The following TP53BP1 variants were observed in gnomAD, a reference collection of about 807,000 sequenced individuals.
The protein encoded by TP53BP1 is tumor protein p53 binding protein 1, also known as TP53-binding protein 1.
Under a neutral mutation model 200.8 loss-of-function variants are expected in TP53BP1, and 61 were observed. The observed-to-expected ratio is 0.30, with a 90% CI of 0.25 to 0.38. The LOEUF (loss-of-function observed/expected upper bound fraction) is 0.38. Ranked by LOEUF, TP53BP1 falls within the 10% of genes least tolerant of loss-of-function variation. TP53BP1 has a pLI of 1.00. For missense variants in TP53BP1, 2,144 were observed against 2,371.9 expected (o/e 0.90, Z 2.00); for synonymous variants, 822 against 844.3 (o/e 0.97, Z 0.46).
In TP53BP1 at chr15:43,413,191, T is replaced by C; in HGVS notation, c.5233A>G (p.Thr1745Ala). Residue 1745 changes from threonine to alanine, a missense_variant, in exon 24 of 28, where the codon ACA becomes GCA. Around this residue, in one of 4 missense-constraint regions of TP53BP1, gnomAD observed 334 missense variants for 453.4 expected, o/e 0.74. Coordinates refer to ENST00000382044, the MANE Select transcript of TP53BP1 (RefSeq NM_001141980.3). ...CGGCTGGCCAACTTGTCACTGGTTG[T>C]GGCCATGGTAAGGAGAAATGCGTAG... ...LGYAFLLTMA[T>A]TSDKLASRSK... 1.2e-6 allele frequency: 2 copies of C among 1,614,192 alleles called. No homozygotes were observed. Among genetic ancestry groups the C allele is most frequent in the Non-Finnish European group, 1.7e-6 (2 of 1,180,030 alleles).
chr15:43,434,886 A>G (rs2045755359), intron 16 of TP53BP1, among the ~76,000 whole-genome samples: 1 of 151,976 alleles, frequency 6.6e-6, no homozygotes, highest in Non-Finnish European at 1.5e-5. Context: ...GAAGTGCCAT[A>G]CCTCTCTCCC....
chr15:43,493,076 G>C lies in TP53BP1; in HGVS notation c.-33C>G, dbSNP rs376110433. ...GGAGGTCCCTCGCGCTCGAGCTAGA[G>C]GTCTCTGCACGCTCCCCAAGTCCCT... On this transcript the variant is annotated 5_prime_UTR_variant, in exon 1 of 28. Transcript: ENST00000382044. 24 of 1,612,162 alleles carry C rather than the reference G, an allele frequency of 1.5e-5. No homozygotes were observed. The highest frequency in any genetic ancestry group is 4.0e-5 in the African/African-American group (3 of 74,808).
chr15:43,489,722 A>G (rs1180169905), intron 4 of TP53BP1, among the ~76,000 whole-genome samples: 1 of 152,228 alleles, frequency 6.6e-6, no homozygotes. Flanking sequence ...AAATTTCCCC[A>G]TTCTAAAATT....
intron 18 of TP53BP1, among the ~76,000 whole-genome samples, chr15:43,422,530 T>C (rs1043639382): frequency 6.6e-6 from 1 of 152,312 alleles, no homozygotes; most frequent in Middle Eastern, 3.4e-3. Context: ...AGTAAATTCT[T>C]ATCTGAGAGA....
At chr15:43,417,977 C>T (rs1347085777) in intron 21 of TP53BP1, among the ~76,000 whole-genome samples, 2 of 151,528 alleles carry the variant, frequency 1.3e-5, no homozygotes, top group Non-Finnish European at 2.9e-5. Context: ...GTCAGGAATT[C>T]AAGACCAGCC....
intron 2 of TP53BP1, 83 bp from the exon 3 acceptor site, chr15:43,492,178 A>G (rs960579135): frequency 1.3e-6 from 2 of 1,508,014 alleles, no homozygotes; most frequent in Non-Finnish European, 1.8e-6. Context: ...AATTTTTCCA[A>G]TCAACTTTAT....
chr15:43,476,422 G>A (rs887211801), intron 8 of TP53BP1, among the ~76,000 whole-genome samples: 8 of 152,134 alleles, frequency 5.3e-5, no homozygotes, highest in African/African-American at 1.9e-4. Context: ...GATACAGATG[G>A]GAGAAGTCAA....
At position 43,492,351 on chromosome 15, in the gene TP53BP1, C is replaced by G; in HGVS notation, c.125G>C (p.Gly42Ala). Reference protein sequence around the residue: ...PESQVLEDDSGSHFSMLSRHL... With the variant: ...PESQVLEDDSASHFSMLSRHL... ...TCGAGATAGCATACTGAAGTGAGAA[C>G]CAGAATCATCCTCTAGAACCTGGCT... The change falls in exon 2 of 28, where the codon GGT (glycine) becomes GCT (alanine). Residue 42 changes from glycine (G) to alanine (A), a missense_variant. This residue lies in a region of TP53BP1 where 1,700 missense variants were observed against 1,710.3 expected (regional missense o/e 0.99). Transcript: ENST00000382044. 6.2e-7 allele frequency: 1 copy of G among 1,614,148 alleles called. No individual in the cohort carries two copies. Among genetic ancestry groups the G allele is most frequent in the Non-Finnish European group, 8.5e-7 (1 of 1,180,012 alleles).
chr15:43,499,508 A>C (rs548704), intron 1 of TP53BP1, among the ~76,000 whole-genome samples: 70,480 of 152,128 alleles, frequency 0.46, 21,362 homozygotes, highest in African/African-American at 0.87. Flanking sequence ...TCATTATTAC[A>C]CTTTCCCATT....
At chr15:43,437,181 A>G (rs576678756) in intron 16 of TP53BP1, among the ~76,000 whole-genome samples, 103 of 151,012 alleles carry the variant, frequency 6.8e-4, no homozygotes, top group Non-Finnish European at 1.0e-3. Context: ...GAAATTATGG[A>G]AAAATTAATT....
intron 11 of TP53BP1, among the ~76,000 whole-genome samples, chr15:43,458,365 G>C (rs570679333): frequency 2.6e-5 from 4 of 152,064 alleles, no homozygotes; most frequent in Admixed American, 2.6e-4. Flanking sequence ...CCAGGAGGCA[G>C]AAGGCAGAGG....
Position 43,456,146 on chromosome 15 carries a change from A to G in TP53BP1, c.2462T>C (p.Leu821Pro), listed in dbSNP as rs1471533011. The change falls in exon 12 of 28, where the codon CTG (leucine) becomes CCG (proline). Residue 821 changes from leucine (L) to proline (P), a missense_variant. Leu to Pro is a moderately conservative substitution (Grantham distance 98). Transcript: ENST00000382044. The part of the protein sequence containing the change: ...EEKSVEYEGD[L>P]KSGTAETEPV... ...TTCTGTTTCTGCAGTCCCTGATTTC[A>G]GATCTCCTTCATATTCTACACTCTT... 1.2e-6 allele frequency: 2 copies of G among 1,614,224 alleles called. No homozygotes were observed. Among genetic ancestry groups the G allele is most frequent in the East Asian group, 2.2e-5 (1 of 44,882 alleles).
In TP53BP1 at chr15:43,481,001, T is replaced by C; in HGVS notation, c.393A>G (p.Glu131=). 2 of 1,614,000 alleles carry C rather than the reference T, an allele frequency of 1.2e-6. No homozygotes were observed. Among genetic ancestry groups the C allele is most frequent in the East Asian group, 2.2e-5 (1 of 44,878 alleles). ...TCTCTTCCTCCACAGCAGGAGCAGA[T>C]TCCACTGACATTCCCAGAACACTAC... is the stretch of plus-strand genomic sequence containing the variant. ...RTSSVLGMSV[E]SAPAVEEEKG... is the part of the protein sequence containing the mutation. The change falls in exon 5 of 28, where the codon GAA becomes GAG. Residue 131 remains glutamate, a synonymous_variant. Transcript: ENST00000382044.
intron 11 of TP53BP1, 64 bp from the exon 12 acceptor site, chr15:43,457,282 T>G: frequency 7.5e-7 from 1 of 1,337,518 alleles, no homozygotes; most frequent in African/African-American, 1.5e-5. Context: ...TTATATCGAA[T>G]CCTTGGATTC....
chr15:43,493,302 C>CA (rs2079155653), upstream of TP53BP1: 2 of 1,195,806 alleles, frequency 1.7e-6, no homozygotes, highest in Non-Finnish European at 1.1e-6. Context: ...GTTTCCATGG[C>CA]AGCATGGACG....
intron 18 of TP53BP1, among the ~76,000 whole-genome samples, chr15:43,422,550 A>C (rs1431192377): frequency 6.6e-6 from 1 of 152,218 alleles, no homozygotes; most frequent in Non-Finnish European, 1.5e-5. Context: ...AAGACAGGGA[A>C]GGAGGTAGGC....
At chr15:43,478,017 C>G (rs1327878161) in intron 7 of TP53BP1, among the ~76,000 whole-genome samples, 1 of 152,176 alleles carries the variant, frequency 6.6e-6, no homozygotes, top group Admixed American at 6.5e-5. Flanking sequence ...TTCATGCTTT[C>G]TAAGATTTCT....
At position 43,403,374 on chromosome 15, in the gene TP53BP1, C is replaced by A. The variant is rs1051816100; in HGVS notation, c.*4009G>T. 4.6e-5 allele frequency: 10 copies of A among 215,912 alleles called. No homozygotes were observed. Among genetic ancestry groups the A allele is most frequent in the African/African-American group, 2.3e-4 (10 of 43,442 alleles). 13.4% of individuals were successfully genotyped at this position (215,912 alleles called of 1,614,324 possible). ...AGAGCATCCCGGGCAAAGGGAACAA[C>A]ACTCACAGCTCAGAGGCAGGAAGAC... On this transcript the variant is annotated 3_prime_UTR_variant, in exon 28 of 28. Transcript: ENST00000382044.
chr15:43,437,361 G>A (rs540706764), intron 16 of TP53BP1, among the ~76,000 whole-genome samples: 10 of 152,244 alleles, frequency 6.6e-5, no homozygotes, highest in South Asian at 2.1e-4. Flanking sequence ...CGTAGGGCAC[G>A]GTGGCTCACA....
Sources: gnomAD v4.1 joint callset for allele counts (sites outside exome capture counted in the v4.1 genomes callset) on GRCh38, gnomAD v4.1.1 for gene constraint, gnomAD v4.1.1 regional missense constraint, MANE v1.5 for transcripts, NCBI Gene and HGNC (gene_info 2026-07-23, HGNC 2026-07-21) for gene names.